Variants in HPSE2 observed in about 807,000 individuals in gnomAD.
The protein encoded by HPSE2 is inactive heparanase-2.
In HPSE2, 38 loss-of-function variants were observed where a neutral mutation model predicts 60.5. That is an observed-to-expected ratio of 0.63 (90% confidence interval 0.48 to 0.82). HPSE2 has a LOEUF of 0.82. HPSE2 is among the 40% of genes least tolerant of loss of function. The pLI is 0.00. For synonymous variants in HPSE2, 295 were observed against 293.2 expected (o/e 1.01, Z -0.06); for missense variants, 713 against 740.4 (o/e 0.96, Z 0.43).
chr10:99,132,200 AGAG>A (rs1845444144), intron 3 of HPSE2, among the ~76,000 whole-genome samples: 2 of 16,792 alleles, frequency 1.2e-4, no homozygotes, highest in African/African-American at 2.1e-4. Context: ...AAAGAGAGAG[AGAG>A]AGAGAGAGAG....
At chr10:99,193,702 T>C (rs1387423615) in intron 2 of HPSE2, among the ~76,000 whole-genome samples, 1 of 152,018 alleles carries the variant, frequency 6.6e-6, no homozygotes, top group Non-Finnish European at 1.5e-5. Context: ...GGTCATCATA[T>C]AAGAATAAAG....
intron 5 of HPSE2, among the ~76,000 whole-genome samples, chr10:98,715,119 C>T (rs1252364234): frequency 2.0e-5 from 3 of 151,768 alleles, no homozygotes; most frequent in Non-Finnish European, 4.4e-5. Context: ...CAAATATTTT[C>T]TCCTATTCTG....
In HPSE2 at chr10:98,494,621, T is replaced by C. The variant is rs188314177; in HGVS notation, c.1321-4425A>G. 4.7e-3 allele frequency among the ~76,000 whole-genome samples: 714 copies of C among 152,360 alleles called. 3 individuals are homozygous for C. The highest frequency in any genetic ancestry group is 0.014 in the Middle Eastern group (4 of 294). Reference sequence around the variant, plus strand: ...TTTGCTTTTAAGAGAAGTTACTATTTATTCCTAATTAGACAGGGAGGAAAG... The same window carrying C: ...TTTGCTTTTAAGAGAAGTTACTATTCATTCCTAATTAGACAGGGAGGAAAG... On this transcript the variant is annotated intron_variant, in intron 9 of 11. Coordinates refer to ENST00000370552, the MANE Select transcript of HPSE2 (RefSeq NM_021828.5).
the HPSE2 span, among the ~76,000 whole-genome samples, chr10:99,284,197 A>C: frequency 6.6e-6 from 1 of 152,188 alleles, no homozygotes; most frequent in Non-Finnish European, 1.5e-5. Flanking sequence ...AGTGAGTAGG[A>C]TTAACCCCCA....
intron 3 of HPSE2, among the ~76,000 whole-genome samples, chr10:98,867,545 G>C (rs12259692): frequency 0.14 from 21,413 of 152,106 alleles, 2,156 homozygotes; most frequent in African/African-American, 0.27. Context: ...CACTATTGGT[G>C]GAAATGTAAG....
At chr10:99,078,871 C>T (rs1843035610) in intron 3 of HPSE2, among the ~76,000 whole-genome samples, 1 of 152,134 alleles carries the variant, frequency 6.6e-6, no homozygotes, top group Non-Finnish European at 1.5e-5. Context: ...ACTTTTCAAA[C>T]CTGTGTCCTG....
intron 3 of HPSE2, among the ~76,000 whole-genome samples, chr10:98,779,447 G>C (rs1950416544): frequency 6.6e-6 from 1 of 152,054 alleles, no homozygotes. Context: ...GAACAAATGA[G>C]GAGAGGTACC....
At chr10:98,756,064 T>C (rs1224772293) in intron 3 of HPSE2, among the ~76,000 whole-genome samples, 1 of 152,120 alleles carries the variant, frequency 6.6e-6, no homozygotes, top group African/African-American at 2.4e-5. Context: ...AACAACCTGT[T>C]CCCGAATGAC....
intron 3 of HPSE2, among the ~76,000 whole-genome samples, chr10:98,976,192 T>TAG (rs1196083909): frequency 6.6e-6 from 1 of 152,138 alleles, no homozygotes; most frequent in Non-Finnish European, 1.5e-5. Context: ...TACAGGATAT[T>TAG]AGAGACCTCA....
intron 2 of HPSE2, among the ~76,000 whole-genome samples, chr10:99,166,105 T>C (rs1847071322): frequency 6.6e-6 from 1 of 151,404 alleles, no homozygotes; most frequent in Non-Finnish European, 1.5e-5. Context: ...GCAAAATGCA[T>C]TTAGAATTCA....
chr10:98,810,585 G>A (rs1951146748), intron 3 of HPSE2, among the ~76,000 whole-genome samples: 2 of 151,954 alleles, frequency 1.3e-5, no homozygotes, highest in African/African-American at 4.8e-5. Flanking sequence ...TAACTTCACG[G>A]TAAATCCATG....
intron 4 of HPSE2, among the ~76,000 whole-genome samples, chr10:98,726,960 A>G (rs1949100603): frequency 6.6e-6 from 1 of 152,168 alleles, no homozygotes; most frequent in Non-Finnish European, 1.5e-5. Flanking sequence ...GCACTGGCAA[A>G]AGGTGGAAGG....
chr10:98,904,485 C>A (rs1564645332), intron 3 of HPSE2, among the ~76,000 whole-genome samples: 2 of 152,140 alleles, frequency 1.3e-5, no homozygotes, highest in South Asian at 2.1e-4. Flanking sequence ...CCTTATTAAT[C>A]ACATAAATTT....
At chr10:99,245,435 T>A in the HPSE2 span, among the ~76,000 whole-genome samples, 1 of 152,206 alleles carries the variant, frequency 6.6e-6, no homozygotes, top group Non-Finnish European at 1.5e-5. Context: ...CTCAAAAAAA[T>A]TATTGGAATC....
the HPSE2 span, among the ~76,000 whole-genome samples, chr10:99,244,568 A>ATTTTTTT: frequency 2.7e-5 from 2 of 73,736 alleles, no homozygotes; most frequent in Non-Finnish European, 4.7e-5. Context: ...CTATGCCTGG[A>ATTTTTTT]TTTTTTTTTT....
At chr10:98,613,561 T>C (rs1186055022) in intron 9 of HPSE2, among the ~76,000 whole-genome samples, 1 of 152,184 alleles carries the variant, frequency 6.6e-6, no homozygotes, top group African/African-American at 2.4e-5. Flanking sequence ...CTTCCTGGCT[T>C]AGGGCTTGGG....
chr10:99,135,380 T>G lies in HPSE2; in HGVS notation c.610+8858A>C, dbSNP rs1025962524. 3.3e-5 allele frequency among the ~76,000 whole-genome samples: 5 copies of G among 152,206 alleles called. No individual in the cohort carries two copies. In the South Asian group the frequency reaches 1.0e-3, roughly 31 times the overall value. On this transcript the variant is annotated intron_variant, in intron 3 of 11. Transcript: ENST00000370552. ...GACCTAATAGACATCTCCAGAACTC[T>G]CCACCCCAAATCAACAGAATATACA... is the stretch of plus-strand genomic sequence containing the variant.
At chr10:99,285,920 G>A in the HPSE2 span, among the ~76,000 whole-genome samples, 1 of 152,090 alleles carries the variant, frequency 6.6e-6, no homozygotes. Context: ...GCAAGACCCT[G>A]TCTCAAAATT....
chr10:99,112,578 C>T (rs10883264), intron 3 of HPSE2, among the ~76,000 whole-genome samples: 71,959 of 151,732 alleles, frequency 0.47, 19,379 homozygotes, highest in Non-Finnish European at 0.61. Flanking sequence ...CGTGAGCCAC[C>T]GTGCCCGGCC....
Sources: gnomAD v4.1 joint callset for allele counts (sites outside exome capture counted in the v4.1 genomes callset) on GRCh38, gnomAD v4.1.1 for gene constraint, MANE v1.5 for transcripts, NCBI Gene and HGNC (gene_info 2026-07-23, HGNC 2026-07-21) for gene names.